Variants in LRP1B observed in about 807,000 individuals in gnomAD.
LRP1B encodes low-density lipoprotein receptor-related protein 1B.
Under a neutral mutation model 556.6 loss-of-function variants are expected in LRP1B, and 217 were observed. The observed-to-expected ratio is 0.39, with a 90% CI of 0.35 to 0.44. LRP1B has a LOEUF of 0.44. LRP1B is among the 20% of genes least tolerant of loss of function. The pLI is 1.00. For synonymous variants in LRP1B, 2,047 were observed against 1,865.8 expected (o/e 1.10, Z -2.50); for missense variants, 5,053 against 5,620.8 (o/e 0.90, Z 3.23).
intron 43 of LRP1B, among the ~76,000 whole-genome samples, chr2:140,588,992 C>A (rs1682109377): frequency 1.3e-5 from 2 of 151,406 alleles, no homozygotes; most frequent in South Asian, 4.2e-4. Context: ...AGATGGACAT[C>A]CATAGGCAAA....
chr2:141,555,291 G>A (rs989136605), intron 2 of LRP1B, among the ~76,000 whole-genome samples: 5 of 151,986 alleles, frequency 3.3e-5, no homozygotes, highest in African/African-American at 9.7e-5. Context: ...ATGCTCAGAA[G>A]GAGTGGTGAC....
chr2:140,888,478 C>T (rs1693704146), intron 23 of LRP1B, among the ~76,000 whole-genome samples: 2 of 151,040 alleles, frequency 1.3e-5, no homozygotes. Flanking sequence ...TGACCTATGG[C>T]AGACTTGATT....
intron 1 of LRP1B, among the ~76,000 whole-genome samples, chr2:141,917,123 G>T (rs936887911): frequency 6.6e-6 from 1 of 152,068 alleles, no homozygotes; most frequent in African/African-American, 2.4e-5. Flanking sequence ...GATGAAGAGA[G>T]ATAAATTGAG....
At chr2:141,472,996 G>A (rs904422631) in intron 3 of LRP1B, among the ~76,000 whole-genome samples, 8 of 151,832 alleles carry the variant, frequency 5.3e-5, no homozygotes, top group East Asian at 3.9e-4. Flanking sequence ...CAGCTACAAC[G>A]TAGGGTCAAA....
At chr2:140,621,924 T>C (rs1239667363) in intron 41 of LRP1B, among the ~76,000 whole-genome samples, 1 of 152,208 alleles carries the variant, frequency 6.6e-6, no homozygotes, top group Non-Finnish European at 1.5e-5. Context: ...GAAGAAGTCA[T>C]ATTAGCTATT....
chr2:141,768,018 T>C lies in LRP1B; in HGVS notation c.205+42261A>G, dbSNP rs1694782432. Among the ~76,000 whole-genome samples, 3 of 152,118 alleles carry C rather than the reference T, an allele frequency of 2.0e-5. No individual in the cohort carries two copies. In the South Asian group the frequency reaches 6.2e-4, roughly 31 times the overall value. On this transcript the variant is annotated intron_variant, in intron 2 of 90. Coordinates refer to ENST00000389484, the MANE Select transcript of LRP1B (RefSeq NM_018557.3). The stretch of plus-strand genomic sequence containing the variant: ...AGAAGAATCTGGGGGACAATATAAC[T>C]TTCTGATCTTCTTGAGATGCTTATC...
intron 12 of LRP1B, among the ~76,000 whole-genome samples, chr2:141,018,530 G>A (rs1195796650): frequency 1.3e-5 from 2 of 152,070 alleles, no homozygotes; most frequent in East Asian, 3.9e-4. Flanking sequence ...AATTTGATGA[G>A]AGAGATGGAA....
chr2:141,685,713 C>A (rs1351239305), intron 2 of LRP1B, among the ~76,000 whole-genome samples: 1 of 151,964 alleles, frequency 6.6e-6, no homozygotes, highest in African/African-American at 2.4e-5. Flanking sequence ...TGATGTGGCA[C>A]AAGCCAAGGA....
intron 41 of LRP1B, among the ~76,000 whole-genome samples, chr2:140,671,313 G>T (rs1428945514): frequency 6.6e-6 from 1 of 152,148 alleles, no homozygotes; most frequent in Non-Finnish European, 1.5e-5. Context: ...GAGGTCAGGA[G>T]ATTGAGACCA....
chr2:140,427,888 G>T (rs12692052), intron 66 of LRP1B, among the ~76,000 whole-genome samples: 2 of 152,062 alleles, frequency 1.3e-5, no homozygotes, highest in Admixed American at 6.5e-5. Context: ...TTCCTCACAC[G>T]GGGTCCGGCT....
intron 1 of LRP1B, among the ~76,000 whole-genome samples, chr2:142,092,133 T>C (rs1051612109): frequency 1.2e-4 from 19 of 152,236 alleles, no homozygotes; most frequent in African/African-American, 4.6e-4. Context: ...TCTTGTTTTC[T>C]ATGATAACTT....
At chr2:140,402,168 C>T (rs35424079) in intron 66 of LRP1B, among the ~76,000 whole-genome samples, 4 of 152,056 alleles carry the variant, frequency 2.6e-5, no homozygotes, top group Admixed American at 6.5e-5. Flanking sequence ...AGGGTAGGTG[C>T]GGAGAACCAC....
intron 2 of LRP1B, among the ~76,000 whole-genome samples, chr2:141,612,181 G>C (rs890620602): frequency 6.6e-6 from 1 of 152,206 alleles, no homozygotes; most frequent in South Asian, 2.1e-4. Context: ...TGGTGTAATG[G>C]ATAAACAAGT....
intron 23 of LRP1B, among the ~76,000 whole-genome samples, chr2:140,888,177 A>G (rs759211516): frequency 1.1e-4 from 16 of 152,246 alleles, no homozygotes; most frequent in Admixed American, 9.2e-4. Context: ...AGTCATTCCT[A>G]TAACCCTCCT....
intron 2 of LRP1B, among the ~76,000 whole-genome samples, chr2:141,543,304 T>C (rs1310216322): frequency 6.6e-6 from 1 of 151,760 alleles, no homozygotes; most frequent in Non-Finnish European, 1.5e-5. Flanking sequence ...GCCCAGAAGT[T>C]TGAGGCCAAC....
chr2:140,466,513 A>T (rs1687555687), intron 60 of LRP1B, among the ~76,000 whole-genome samples: 1 of 152,156 alleles, frequency 6.6e-6, no homozygotes. Context: ...GTTATCCTTT[A>T]AATGACGAGC....
At chr2:141,599,045 T>TCCCCCCCC (rs1559166868) in intron 2 of LRP1B, among the ~76,000 whole-genome samples, 7 of 28,966 alleles carry the variant, frequency 2.4e-4, no homozygotes, top group Non-Finnish European at 3.8e-4. Context: ...TTTGTTCAAC[T>TCCCCCCCC]CCCCCCCGCC....
chr2:142,081,829 T>G (rs2104932266), intron 1 of LRP1B, among the ~76,000 whole-genome samples: 1 of 152,220 alleles, frequency 6.6e-6, no homozygotes, highest in South Asian at 2.1e-4. Context: ...AAGCATGGGG[T>G]TTTTGAAACT....
intron 3 of LRP1B, among the ~76,000 whole-genome samples, chr2:141,388,848 T>C (rs1689943264): frequency 6.6e-6 from 1 of 152,152 alleles, no homozygotes; most frequent in Non-Finnish European, 1.5e-5. Context: ...ATTGATTATG[T>C]TCCTCACACT....
Sources: gnomAD v4.1 joint callset for allele counts (sites outside exome capture counted in the v4.1 genomes callset) on GRCh38, gnomAD v4.1.1 for gene constraint, MANE v1.5 for transcripts, NCBI Gene and HGNC (gene_info 2026-07-23, HGNC 2026-07-21) for gene names.